Variants in C17orf67 observed in about 807,000 individuals in gnomAD.
The protein encoded by C17orf67 is uncharacterized protein C17orf67.
C17orf67 carries 12 observed loss-of-function variants against 11.2 expected under a neutral mutation model. The ratio of observed to expected loss-of-function variants is 1.07; its 90% confidence interval spans 0.68 to 1.73. The LOEUF (loss-of-function observed/expected upper bound fraction) is 1.73, where lower values mean the gene tolerates loss of function less well. C17orf67 is among the 40% of genes most tolerant of loss of function. The pLI is 0.00. For missense variants in C17orf67, 115 were observed against 113.5 expected (o/e 1.01, Z -0.06); for synonymous variants, 59 against 46.9 (o/e 1.26, Z -1.05).
At chr17:56,810,306 CAT>C (rs1905588823) in intron 6 of C17orf67, among the ~76,000 whole-genome samples, 1 of 147,208 alleles carries the variant, frequency 6.8e-6, no homozygotes, top group Non-Finnish European at 1.5e-5. Context: ...TCCTCACACA[CAT>C]ACCCCTCATA....
intron 4 of C17orf67, among the ~76,000 whole-genome samples, chr17:56,817,606 T>C (rs767027108): frequency 2.2e-4 from 33 of 152,010 alleles, no homozygotes; most frequent in Non-Finnish European, 2.2e-4. Context: ...AGTGTGCATC[T>C]CCATGCCCAG....
Position 56,815,993 on chromosome 17 carries a change from T to C in C17orf67, c.-183A>G. 1 of 1,265,786 alleles carries C rather than the reference T, an allele frequency of 7.9e-7. No individual in the cohort carries two copies. The highest frequency in any genetic ancestry group is 2.6e-5 in the East Asian group (1 of 38,714). The allele number at this position is 1,265,786 out of a possible 1,614,324, so 78.4% of individuals were successfully genotyped here. On this transcript the variant is annotated 5_prime_UTR_variant, in exon 5 of 8. Coordinates refer to ENST00000397861, the MANE Select transcript of C17orf67 (RefSeq NM_001085430.4). ...GACCACTGAAATATTTTCCTCCGAA[T>C]TCCTGTAAATTTTCATCCTGAGGAA...
At chr17:56,801,126 A>C (rs1031949560) in intron 6 of C17orf67, among the ~76,000 whole-genome samples, 3 of 152,302 alleles carry the variant, frequency 2.0e-5, no homozygotes, top group Admixed American at 2.0e-4. Flanking sequence ...TTTAACTTGG[A>C]GTGTGTTTTT....
At chr17:56,819,818 A>G (rs1905855363) in intron 4 of C17orf67, among the ~76,000 whole-genome samples, 1 of 152,214 alleles carries the variant, frequency 6.6e-6, no homozygotes, top group Non-Finnish European at 1.5e-5. Flanking sequence ...GGCTCCCAGT[A>G]GAAGACGCAA....
chr17:56,811,987 G>T (rs1011876611), intron 6 of C17orf67, among the ~76,000 whole-genome samples: 3 of 152,140 alleles, frequency 2.0e-5, no homozygotes, highest in Non-Finnish European at 4.4e-5. Context: ...CCATACCCAG[G>T]TCCCACCCCA....
chr17:56,813,987 AC>A (rs1905693427), intron 6 of C17orf67, among the ~76,000 whole-genome samples: 1 of 152,218 alleles, frequency 6.6e-6, no homozygotes, highest in Non-Finnish European at 1.5e-5. Context: ...ACTCTTCGTC[AC>A]TGTGCAATAC....
At position 56,832,494 on chromosome 17, in the gene C17orf67, C is replaced by G. The variant is rs571170441; in HGVS notation, c.-557+404G>C. 4.6e-5 allele frequency among the ~76,000 whole-genome samples: 7 copies of G among 152,316 alleles called. No homozygotes were observed. The South Asian group carries it at 1.0e-3, about 23-fold the overall frequency. ...CATCAGGAGTATCCTTCTCAAGAAC[C>G]TGAAAGCCATTCCTCCAACATGCAA... On this transcript the variant is annotated intron_variant, in intron 2 of 7. Transcript: ENST00000397861.
intron 6 of C17orf67, among the ~76,000 whole-genome samples, chr17:56,796,237 T>C (rs1470706510): frequency 1.3e-5 from 2 of 152,202 alleles, no homozygotes; most frequent in African/African-American, 4.8e-5. Flanking sequence ...CAAAAACTTG[T>C]ATACAGATGT....
intron 6 of C17orf67, 112 bp from the exon 7 acceptor site, chr17:56,795,292 G>T: frequency 1.1e-6 from 1 of 937,826 alleles, no homozygotes; most frequent in Non-Finnish European, 1.7e-6. Flanking sequence ...AGGACAGGCA[G>T]GGAGAAGAAA....
At position 56,827,432 on chromosome 17, in the gene C17orf67, G is replaced by A. The variant is rs568715703; in HGVS notation, c.-556-2111C>T. The stretch of plus-strand genomic sequence containing the variant: ...TGTGGCAGCACCTTGGAGCTTCTTA[G>A]AAATGCAGGTTATCAGGCCTCTTCC... On this transcript the variant is annotated intron_variant, in intron 2 of 7. Coordinates refer to ENST00000397861, the MANE Select transcript of C17orf67 (RefSeq NM_001085430.4). 5.3e-5 allele frequency among the ~76,000 whole-genome samples: 8 copies of A among 152,356 alleles called. No individual in the cohort carries two copies. In the South Asian group the frequency reaches 1.5e-3, roughly 28 times the overall value.
At chr17:56,824,325 C>T (rs1232922546) in intron 4 of C17orf67, among the ~76,000 whole-genome samples, 1 of 152,232 alleles carries the variant, frequency 6.6e-6, no homozygotes. Flanking sequence ...AAAGCCCTCA[C>T]CAGAGGCTGC....
chr17:56,807,855 A>T (rs546830215), intron 6 of C17orf67, among the ~76,000 whole-genome samples: 45 of 151,924 alleles, frequency 3.0e-4, no homozygotes, highest in African/African-American at 1.0e-3. Context: ...GCACCACTGC[A>T]CTCCAGCCTG....
At chr17:56,813,216 C>T (rs1319164096) in intron 6 of C17orf67, among the ~76,000 whole-genome samples, 1 of 152,120 alleles carries the variant, frequency 6.6e-6, no homozygotes, top group Non-Finnish European at 1.5e-5. Context: ...GCCCCCACCC[C>T]CAACCCGCCA....
intron 4 of C17orf67, among the ~76,000 whole-genome samples, chr17:56,821,746 G>A (rs1336797784): frequency 2.0e-5 from 3 of 152,292 alleles, no homozygotes; most frequent in South Asian, 2.1e-4. Context: ...TGAATTATTA[G>A]CATCAATTCT....
At chr17:56,802,078 C>A (rs963860266) in intron 6 of C17orf67, among the ~76,000 whole-genome samples, 1 of 152,182 alleles carries the variant, frequency 6.6e-6, no homozygotes, top group African/African-American at 2.4e-5. Context: ...GGGTTAGATA[C>A]TAAATGAAAT....
chr17:56,815,108 G>A (rs1271658863), intron 5 of C17orf67, 139 bp from the exon 6 acceptor site: 1 of 733,300 alleles, frequency 1.4e-6, no homozygotes, highest in Admixed American at 2.0e-5. Context: ...TGTCCCAAAG[G>A]ATGCAGCATT....
At chr17:56,797,356 G>C (rs894900991) in intron 6 of C17orf67, among the ~76,000 whole-genome samples, 6 of 152,028 alleles carry the variant, frequency 3.9e-5, no homozygotes, top group African/African-American at 1.4e-4. Context: ...TGTGGTCTTG[G>C]GGGCACAGCA....
chr17:56,793,995 A>C (rs932178195), intron 7 of C17orf67, among the ~76,000 whole-genome samples: 9 of 152,014 alleles, frequency 5.9e-5, no homozygotes, highest in Non-Finnish European at 8.8e-5. Flanking sequence ...TTTCATGCCC[A>C]CACACACACA....
At chr17:56,796,031 G>A (rs538199062) in intron 6 of C17orf67, among the ~76,000 whole-genome samples, 6 of 152,176 alleles carry the variant, frequency 3.9e-5, no homozygotes, top group Non-Finnish European at 8.8e-5. Context: ...ATAAGCAGAA[G>A]AAAGCTAGGG....
Sources: allele counts gnomAD v4.1 joint callset (sites outside exome capture counted in the v4.1 genomes callset), GRCh38; gene constraint gnomAD v4.1.1; transcripts MANE v1.5; gene names NCBI Gene and HGNC (gene_info 2026-07-23, HGNC 2026-07-21).